The following KLF9 variants were observed in gnomAD, a reference collection of about 807,000 sequenced individuals.
KLF9 encodes Krueppel-like factor 9.
In KLF9, 2 loss-of-function variants were observed where a neutral mutation model predicts 17.3. That is an observed-to-expected ratio of 0.12 (90% CI 0.05 to 0.36). The LOEUF (loss-of-function observed/expected upper bound fraction) is 0.36, where lower values mean the gene tolerates loss of function less well. KLF9 is among the 10% of genes least tolerant of loss of function. The pLI, the probability that KLF9 is intolerant of heterozygous loss-of-function variation, is 1.00. For synonymous variants in KLF9, 138 were observed against 139.2 expected (o/e 0.99, Z 0.06); for missense variants, 226 against 333.2 (o/e 0.68, Z 2.51).
At chr9:70,393,716 A>G (rs1422800170) in intron 1 of KLF9, among the ~76,000 whole-genome samples, 1 of 152,224 alleles carries the variant, frequency 6.6e-6, no homozygotes, top group Non-Finnish European at 1.5e-5. Flanking sequence ...AAACAGTGCC[A>G]ATTAAGAATT....
intron 1 of KLF9, among the ~76,000 whole-genome samples, chr9:70,411,028 G>A (rs1342051196): frequency 2.6e-5 from 4 of 152,200 alleles, no homozygotes. Context: ...CTGGGAAAAA[G>A]GTTCTCCTGA....
intron 1 of KLF9, among the ~76,000 whole-genome samples, chr9:70,406,268 G>A (rs770269229): frequency 6.6e-6 from 1 of 152,188 alleles, no homozygotes; most frequent in Admixed American, 6.5e-5. Context: ...TCATGAGCTG[G>A]TGAGGCTCTG....
intron 1 of KLF9, among the ~76,000 whole-genome samples, chr9:70,402,654 G>A (rs1297454170): frequency 6.6e-6 from 1 of 152,132 alleles, no homozygotes; most frequent in Non-Finnish European, 1.5e-5. Flanking sequence ...CTAAGCGTAT[G>A]TAATACCTGT....
chr9:70,396,504 A>G lies in KLF9; in HGVS notation c.506-8499T>C, dbSNP rs574647339. Among the ~76,000 whole-genome samples, 12 of 152,268 alleles carry G rather than the reference A, an allele frequency of 7.9e-5. No individual in the cohort carries two copies. The East Asian group carries it at 1.5e-3, about 20-fold the overall frequency. On this transcript the variant is annotated intron_variant, in intron 1 of 1. Transcript: ENST00000377126. ...AAAAAAATCCTGTTGCCCACAAAAT[A>G]TGGGCTGGCTGAGGTGGTTCATGCC... is the stretch of plus-strand genomic sequence containing the variant.
chr9:70,405,419 C>T (rs941569734), intron 1 of KLF9, among the ~76,000 whole-genome samples: 1 of 152,202 alleles, frequency 6.6e-6, no homozygotes, highest in Non-Finnish European at 1.5e-5. Context: ...TTTAAAAAGA[C>T]TCAATCTGGC....
chr9:70,407,220 A>T (rs899718298), intron 1 of KLF9, among the ~76,000 whole-genome samples: 1 of 152,330 alleles, frequency 6.6e-6, no homozygotes, highest in East Asian at 1.9e-4. Context: ...TTGCAGAATG[A>T]CTAGTCCTTG....
rs2037123524 is a variant in KLF9, at chr9:70,387,718, C to T, written c.*58G>A. ...GGCTCAGTTTTCACGCGTCTGTTTCCTGGGAGTACTTTTCTCCTTTCGGGG... is the reference window on the plus strand; with the variant it reads ...GGCTCAGTTTTCACGCGTCTGTTTCTTGGGAGTACTTTTCTCCTTTCGGGG... On this transcript the variant is annotated 3_prime_UTR_variant, in exon 2 of 2. Coordinates refer to ENST00000377126, the MANE Select transcript of KLF9 (RefSeq NM_001206.4). 2.0e-6 allele frequency: 3 copies of T among 1,487,460 alleles called. No homozygotes were observed. In the African/African-American group the frequency reaches 4.1e-5, roughly 21 times the overall value. The allele number at this position is 1,487,460 out of a possible 1,614,324, so 92.1% of individuals were successfully genotyped here. A position where few individuals can be genotyped will look rare whatever the true frequency, so the allele number is the denominator to read the frequency against.
intron 1 of KLF9, among the ~76,000 whole-genome samples, chr9:70,411,740 C>T (rs1287827666): frequency 2.6e-5 from 4 of 152,004 alleles, no homozygotes; most frequent in Admixed American, 1.3e-4. Flanking sequence ...GGTATTACAC[C>T]AAAAAATGAC....
intron 1 of KLF9, among the ~76,000 whole-genome samples, chr9:70,409,092 GTATA>G (rs1448941452): frequency 9.3e-5 from 8 of 86,030 alleles, no homozygotes; most frequent in African/African-American, 3.0e-4. Context: ...ACACATATAT[GTATA>G]TATATGTGTA....
intron 1 of KLF9, among the ~76,000 whole-genome samples, chr9:70,395,116 A>G (rs2037175621): frequency 6.6e-6 from 1 of 152,258 alleles, no homozygotes; most frequent in Admixed American, 6.5e-5. Context: ...ATAGTGAGAT[A>G]GCAGCACAGG....
chr9:70,414,217 C>G lies in KLF9; in HGVS notation c.-854G>C, dbSNP rs1267268637. 3 of 152,252 alleles carry G rather than the reference C, an allele frequency of 2.0e-5. No individual in the cohort carries two copies. The highest frequency in any genetic ancestry group is 4.4e-5 in the Non-Finnish European group (3 of 68,080). The allele number at this position is 152,252 out of a possible 1,614,324, so 9.4% of individuals were successfully genotyped here. ...GGGGCAGCCGCACACTTTCGGAGTG[C>G]CTCGCGGTCCCGTGGCCGGTCCGGG... On this transcript the variant is annotated 5_prime_UTR_variant, in exon 1 of 2. Coordinates refer to ENST00000377126, the MANE Select transcript of KLF9 (RefSeq NM_001206.4).
chr9:70,391,376 C>T (rs555953714), intron 1 of KLF9, among the ~76,000 whole-genome samples: 2 of 152,298 alleles, frequency 1.3e-5, no homozygotes, highest in African/African-American at 4.8e-5. Flanking sequence ...CAGTGATACT[C>T]TCTTGACTGC....
At position 70,386,588 on chromosome 9, in the gene KLF9, A is replaced by G. The variant is rs548276527; in HGVS notation, c.*1188T>C. ...GTGGGAGTTTTGTAGGAACACAGGA[A>G]GGAGACCAACAAACCTTTTTCCCCA... On this transcript the variant is annotated 3_prime_UTR_variant, in exon 2 of 2. Transcript: ENST00000377126. 6.6e-6 allele frequency: 1 copy of G among 152,658 alleles called. No homozygotes were observed. The highest frequency in any genetic ancestry group is 2.4e-5 in the African/African-American group (1 of 41,464). 9.5% of individuals were successfully genotyped at this position (152,658 alleles called of 1,614,324 possible).
At chr9:70,388,046 T>A in intron 1 of KLF9, 41 bp from the exon 2 acceptor site, 1 of 1,541,198 alleles carries the variant, frequency 6.5e-7, no homozygotes, top group African/African-American at 1.4e-5. Context: ...TCAAAGAACA[T>A]GAAAAAAATT....
intron 1 of KLF9, among the ~76,000 whole-genome samples, chr9:70,406,661 C>CGTCT (rs2037257128): frequency 6.6e-6 from 1 of 151,994 alleles, no homozygotes; most frequent in South Asian, 2.1e-4. Flanking sequence ...TTTTTTTCTT[C>CGTCT]GTCTTCCTTT....
intron 1 of KLF9, among the ~76,000 whole-genome samples, chr9:70,410,754 G>T (rs1246242797): frequency 6.6e-6 from 1 of 152,128 alleles, no homozygotes; most frequent in East Asian, 1.9e-4. Context: ...CTACCCTAAA[G>T]TCAATTTAAA....
At position 70,392,254 on chromosome 9, in the gene KLF9, T is replaced by G. The variant is rs1430775793; in HGVS notation, c.506-4249A>C. Among the ~76,000 whole-genome samples, 3 of 152,200 alleles carry G rather than the reference T, an allele frequency of 2.0e-5. No individual in the cohort carries two copies. In the East Asian group the frequency reaches 5.8e-4, roughly 29 times the overall value. The stretch of plus-strand genomic sequence containing the variant: ...ACCAGAATTTGTAAATTCAAATGTC[T>G]TCAGGAGCCAGACACAGGTCGGGGA... On this transcript the variant is annotated intron_variant, in intron 1 of 1. Transcript: ENST00000377126.
intron 1 of KLF9, among the ~76,000 whole-genome samples, chr9:70,399,165 C>T (rs986553290): frequency 6.6e-6 from 1 of 152,188 alleles, no homozygotes; most frequent in Admixed American, 6.5e-5. Flanking sequence ...AGTTATATGG[C>T]CCTGCCTGAA....
chr9:70,399,884 A>T (rs76955476), intron 1 of KLF9, among the ~76,000 whole-genome samples: 3,863 of 152,302 alleles, frequency 0.025, 48 homozygotes, highest in South Asian at 0.028. Context: ...TAATTTTCAA[A>T]GTAGCATTTA....
Sources: gnomAD v4.1 joint callset for allele counts (sites outside exome capture counted in the v4.1 genomes callset) on GRCh38, gnomAD v4.1.1 for gene constraint, MANE v1.5 for transcripts, NCBI Gene and HGNC (gene_info 2026-07-23, HGNC 2026-07-21) for gene names.